The following LARGE1 variants were observed in gnomAD, a reference collection of about 807,000 sequenced individuals.
LARGE1 encodes the protein xylosyl- and glucuronyltransferase LARGE1.
Under a neutral mutation model 87.6 loss-of-function variants are expected in LARGE1, and 43 were observed. The observed-to-expected ratio is 0.49, with a 90% CI of 0.38 to 0.63. The LOEUF (loss-of-function observed/expected upper bound fraction) is 0.63, where lower values mean the gene tolerates loss of function less well. LARGE1 is among the 30% of genes least tolerant of loss of function. The probability of loss-of-function intolerance (pLI) is 0.00; values close to 1 mark genes in which losing one functional copy is unlikely to be tolerated. For missense variants in LARGE1, 802 were observed against 1,000.2 expected, an observed-to-expected ratio of 0.80 and a Z score of 2.67; for synonymous variants, 434 against 394.6, an observed-to-expected ratio of 1.10 and a Z score of -1.18.
intron 6 of LARGE1, among the ~76,000 whole-genome samples, chr22:33,553,276 C>T (rs1357178243): frequency 3.3e-5 from 5 of 151,808 alleles, no homozygotes; most frequent in Non-Finnish European, 5.9e-5. Flanking sequence ...GAAGCTGAGG[C>T]GGGAGGATCG....
At chr22:33,427,690 G>A (rs1358766680) in intron 7 of LARGE1, among the ~76,000 whole-genome samples, 5 of 152,222 alleles carry the variant, frequency 3.3e-5, no homozygotes, top group Non-Finnish European at 7.3e-5. Flanking sequence ...CTATGGTTAG[G>A]GGGATAAATA....
In LARGE1 at chr22:33,432,268, G is replaced by C. The variant is rs1397563370; in HGVS notation, c.788-3C>G. 6.2e-7 allele frequency: 1 copy of C among 1,610,092 alleles called. No individual in the cohort carries two copies. The highest frequency in any genetic ancestry group is 1.7e-5 in the Admixed American group (1 of 60,014). Reference sequence around the variant, plus strand: ...CACCAAGCCCAGGACTTGCTGACCTGTGAGGTACAGAGAATACAAACATCT... The same window carrying C: ...CACCAAGCCCAGGACTTGCTGACCTCTGAGGTACAGAGAATACAAACATCT... On this transcript the variant is annotated splice_region_variant and splice_polypyrimidine_tract_variant and intron_variant, in intron 6 of 14. Transcript: ENST00000397394.
chr22:33,840,698 T>A (rs1437773538), intron 1 of LARGE1, among the ~76,000 whole-genome samples: 1 of 151,622 alleles, frequency 6.6e-6, no homozygotes, highest in Non-Finnish European at 1.5e-5. Flanking sequence ...TGGGAAAGGG[T>A]CTCGCTCAGT....
intron 6 of LARGE1, among the ~76,000 whole-genome samples, chr22:33,506,096 G>C (rs2070752670): frequency 1.3e-5 from 2 of 151,996 alleles, no homozygotes; most frequent in South Asian, 4.1e-4. Context: ...GCTTCCCTTT[G>C]AGATTAGATC....
intron 2 of LARGE1, among the ~76,000 whole-genome samples, chr22:33,712,227 A>G (rs1177584936): frequency 2.0e-5 from 3 of 152,120 alleles, no homozygotes; most frequent in South Asian, 2.1e-4. Context: ...GGAAAAAAAA[A>G]GGGCAAATCC....
At chr22:33,837,959 T>C (rs991968677) in intron 1 of LARGE1, among the ~76,000 whole-genome samples, 1 of 152,166 alleles carries the variant, frequency 6.6e-6, no homozygotes, top group African/African-American at 2.4e-5. Context: ...TCACGTAAGC[T>C]CTGCATGCCA....
intron 5 of LARGE1, among the ~76,000 whole-genome samples, chr22:33,595,623 T>C (rs956747763): frequency 6.6e-6 from 1 of 152,228 alleles, no homozygotes; most frequent in Non-Finnish European, 1.5e-5. Context: ...AATGTAGTAG[T>C]GATTACTGAG....
At chr22:33,132,297 C>G in the LARGE1 span, among the ~76,000 whole-genome samples, 18 of 151,954 alleles carry the variant, frequency 1.2e-4, no homozygotes, top group African/African-American at 3.9e-4. Context: ...GATCCTCCCC[C>G]CTCAGCCTCC....
At chr22:33,390,757 G>C (rs1306096092) in intron 7 of LARGE1, among the ~76,000 whole-genome samples, 1 of 149,828 alleles carries the variant, frequency 6.7e-6, no homozygotes, top group Non-Finnish European at 1.5e-5. Flanking sequence ...TGAGTGGCAC[G>C]ATCTCAGCTC....
intron 9 of LARGE1, among the ~76,000 whole-genome samples, chr22:33,369,571 T>C (rs2064730828): frequency 6.6e-6 from 1 of 151,996 alleles, no homozygotes; most frequent in African/African-American, 2.4e-5. Context: ...TTTCTTTTTC[T>C]TTTTTATTTT....
chr22:33,171,987 C>T (rs1411981362), intron 11 of LARGE1, among the ~76,000 whole-genome samples: 1 of 152,230 alleles, frequency 6.6e-6, no homozygotes, highest in Non-Finnish European at 1.5e-5. Flanking sequence ...AGGGGCTGTA[C>T]CCTGCAGAGC....
intron 1 of LARGE1, among the ~76,000 whole-genome samples, chr22:33,823,559 C>T (rs916534322): frequency 6.6e-6 from 1 of 152,186 alleles, no homozygotes; most frequent in South Asian, 2.1e-4. Flanking sequence ...CAGAACACAG[C>T]CTCACGCACC....
chr22:33,187,116 T>C lies in LARGE1; in HGVS notation c.1731-20284A>G, dbSNP rs1278964689. Among the ~76,000 whole-genome samples, 4 of 152,356 alleles carry C rather than the reference T, an allele frequency of 2.6e-5. No individual in the cohort carries two copies. The East Asian group carries it at 7.7e-4, about 29-fold the overall frequency. ...AAACACTAAAATTAGAACTACCATA[T>C]GATCCAGCAGTCCCACGACTGGGTA... is the stretch of plus-strand genomic sequence containing the variant. On this transcript the variant is annotated intron_variant, in intron 11 of 11. Transcript: ENST00000608642.
chr22:33,806,699 G>C (rs1451563954), intron 1 of LARGE1, among the ~76,000 whole-genome samples: 3 of 152,156 alleles, frequency 2.0e-5, no homozygotes, highest in Non-Finnish European at 2.9e-5. Flanking sequence ...AAGATAATAA[G>C]ACTCAGAGCT....
intron 1 of LARGE1, among the ~76,000 whole-genome samples, chr22:33,859,221 A>G (rs2063843236): frequency 1.3e-5 from 2 of 152,202 alleles, no homozygotes; most frequent in Non-Finnish European, 2.9e-5. Context: ...GCCCCAAGGG[A>G]GCTCACCTTA....
At chr22:33,215,454 G>T (rs567302021) in intron 11 of LARGE1, among the ~76,000 whole-genome samples, 1 of 152,090 alleles carries the variant, frequency 6.6e-6, no homozygotes, top group Non-Finnish European at 1.5e-5. Flanking sequence ...AATAGTTATT[G>T]TATATACTAA....
the LARGE1 span, among the ~76,000 whole-genome samples, chr22:33,098,132 C>T: frequency 6.6e-6 from 1 of 152,012 alleles, no homozygotes; most frequent in East Asian, 1.9e-4. Context: ...ATGGTGAGAC[C>T]TTGTTTTTAC....
intron 2 of LARGE1, chr22:33,746,584 T>G (rs970537482): frequency 2.0e-5 from 3 of 152,236 alleles, no homozygotes; most frequent in Non-Finnish European, 4.4e-5. Context: ...CTGGGCACTT[T>G]TGTAGGCAAT....
chr22:33,494,033 G>C (rs5998970), intron 6 of LARGE1, among the ~76,000 whole-genome samples: 39,091 of 152,176 alleles, frequency 0.26, 5,521 homozygotes, highest in African/African-American at 0.38. Context: ...TGCCCACTCC[G>C]TGGCTAACAC....
Sources: gnomAD v4.1 joint callset for allele counts (sites outside exome capture counted in the v4.1 genomes callset) on GRCh38, gnomAD v4.1.1 for gene constraint, MANE v1.5 for transcripts, NCBI Gene and HGNC (gene_info 2026-07-23, HGNC 2026-07-21) for gene names.